Variants in EWSR1 observed in about 807,000 individuals in gnomAD.
The protein encoded by EWSR1 is RNA-binding protein EWS.
A neutral mutation model predicts 92.1 loss-of-function variants in EWSR1; 14 were observed. The observed-to-expected ratio is 0.15, with a 90% CI of 0.10 to 0.24. The LOEUF (loss-of-function observed/expected upper bound fraction) is 0.24, where lower values mean the gene tolerates loss of function less well. EWSR1 is among the 10% of genes least tolerant of loss of function. The probability of loss-of-function intolerance (pLI) is 1.00; values close to 1 mark genes in which losing one functional copy is unlikely to be tolerated. For synonymous variants in EWSR1, 303 were observed against 292.9 expected (o/e 1.03, Z -0.35); for missense variants, 637 against 870.9 (o/e 0.73, Z 3.38).
chr22:29,300,260 A>G lies in EWSR1; in HGVS notation c.*99A>G, dbSNP rs2061246455. The G allele has an allele frequency of 8.7e-7, 1 of 1,145,282 alleles. No individual in the cohort carries two copies. The highest frequency in any genetic ancestry group is 1.3e-6 in the Non-Finnish European group (1 of 775,312). 70.9% of individuals were successfully genotyped at this position (1,145,282 alleles called of 1,614,324 possible). A position where few individuals can be genotyped will look rare whatever the true frequency, so the allele number is the denominator to read the frequency against. On this transcript the variant is annotated 3_prime_UTR_variant, in exon 17 of 17. Coordinates refer to ENST00000397938, the MANE Select transcript of EWSR1 (RefSeq NM_005243.4). ...TTCCATATTTATAATGTTGGCCACA[A>G]CATTATGATTATTCCTTGTCTGTAC... is the stretch of plus-strand genomic sequence containing the variant.
At chr22:29,292,254 C>A in intron 10 of EWSR1, 85 bp downstream of exon 10, 1 of 1,311,718 alleles carries the variant, frequency 7.6e-7, no homozygotes, top group Non-Finnish European at 1.1e-6. Context: ...GTTCAGCAGC[C>A]TTATAGACCA....
At chr22:29,297,343 T>G (rs1166106381) in intron 12 of EWSR1, among the ~76,000 whole-genome samples, 1 of 152,150 alleles carries the variant, frequency 6.6e-6, no homozygotes, top group Non-Finnish European at 1.5e-5. Context: ...TTAGTAGAGA[T>G]GGGGTTTCAC....
intron 1 of EWSR1, among the ~76,000 whole-genome samples, 198 bp from the exon 2 acceptor site, chr22:29,272,018 T>G (rs1447117300): frequency 2.6e-5 from 4 of 152,152 alleles, no homozygotes; most frequent in Admixed American, 2.6e-4. Flanking sequence ...AGTCCCACAG[T>G]CAAATGTTGA....
intron 6 of EWSR1, among the ~76,000 whole-genome samples, chr22:29,286,576 A>G (rs900652089): frequency 6.7e-6 from 1 of 150,156 alleles, no homozygotes. Context: ...AGTCCCAGCT[A>G]CTCGGGAGGC....
At position 29,300,106 on chromosome 22, in the gene EWSR1, CCT is replaced by C; in HGVS notation, c.1932-13_1932-12del. The C allele has an allele frequency of 1.3e-6, 2 of 1,599,192 alleles. No homozygotes were observed. Among genetic ancestry groups the C allele is most frequent in the South Asian group, 1.1e-5 (1 of 90,068 alleles). On this transcript the variant is annotated splice_polypyrimidine_tract_variant and intron_variant, in intron 16 of 16. Transcript: ENST00000397938. The stretch of plus-strand genomic sequence containing the variant: ...CCCCTTCCCATTCTAACCGAAGGGC[CCT>C]CTTTACCTTGCAGAGGCGAGCACCG...
intron 9 of EWSR1, 165 bp from the exon 10 acceptor site, chr22:29,291,972 A>G (rs1378140078): frequency 2.9e-6 from 2 of 679,588 alleles, no homozygotes; most frequent in African/African-American, 3.6e-5. Context: ...CAAACCTTTC[A>G]CAAATGTTAA....
chr22:29,286,112 T>G (rs926777391), intron 6 of EWSR1, among the ~76,000 whole-genome samples: 2 of 151,890 alleles, frequency 1.3e-5, no homozygotes, highest in African/African-American at 4.8e-5. Flanking sequence ...GTGCTGAGAT[T>G]ACAAGCGTGA....
chr22:29,288,149 TG>T (rs2060188441), intron 7 of EWSR1, among the ~76,000 whole-genome samples: 1 of 152,242 alleles, frequency 6.6e-6, no homozygotes, highest in Admixed American at 6.5e-5. Flanking sequence ...TTAGGATCAT[TG>T]CTCTTTTTAA....
At position 29,298,804 on chromosome 22, in the gene EWSR1, T is replaced by C; in HGVS notation, c.1489T>C (p.Phe497Leu). ...AGGCCGTGGAGGAGATAGAGGAGGC[T>C]TCCCTCCAAGAGGACCCCGGGGTTC... ...MGGRGGDRGG[F>L]PPRGPRGSRG... The change falls in exon 14 of 17, where the codon TTC becomes CTC. Residue 497 changes from phenylalanine to leucine, a missense_variant. Around this residue, in one of 5 missense-constraint regions of EWSR1, gnomAD observed 363 missense variants for 447.8 expected, o/e 0.81. Coordinates refer to ENST00000397938, the MANE Select transcript of EWSR1 (RefSeq NM_005243.4). The C allele has an allele frequency of 6.2e-7, 1 of 1,610,132 alleles. No individual in the cohort carries two copies. The highest frequency in any genetic ancestry group is 8.5e-7 in the Non-Finnish European group (1 of 1,178,768).
At chr22:29,290,929 T>G (rs149841245) in intron 8 of EWSR1, 2 of 241,502 alleles carry the variant, frequency 8.3e-6, no homozygotes, top group African/African-American at 4.4e-5. Context: ...CTAACTGATA[T>G]GTCTATAAAG....
chr22:29,293,303 C>T (rs1046931114), intron 11 of EWSR1, among the ~76,000 whole-genome samples: 10 of 152,212 alleles, frequency 6.6e-5, no homozygotes, highest in African/African-American at 1.9e-4. Flanking sequence ...AGCCACTACA[C>T]CCAACCTCAA....
intron 14 of EWSR1, 123 bp from the exon 15 acceptor site, chr22:29,299,111 C>G: frequency 6.4e-7 from 1 of 1,566,118 alleles, no homozygotes. Flanking sequence ...GAGGCTGTGC[C>G]CTAAAGCATG....
chr22:29,293,067 C>T (rs1447053587), intron 11 of EWSR1, among the ~76,000 whole-genome samples: 1 of 152,072 alleles, frequency 6.6e-6, no homozygotes, highest in Non-Finnish European at 1.5e-5. Flanking sequence ...TCCTCCACCC[C>T]TAGGGACAGA....
chr22:29,278,245 G>A (rs1171157112), intron 5 of EWSR1, 29 bp downstream of exon 5: 1 of 1,600,158 alleles, frequency 6.2e-7, no homozygotes, highest in African/African-American at 1.3e-5. Flanking sequence ...TAATGCGTCA[G>A]TCTTATGTTG....
At chr22:29,283,291 A>G (rs569631658) in intron 6 of EWSR1, among the ~76,000 whole-genome samples, 2 of 152,340 alleles carry the variant, frequency 1.3e-5, no homozygotes, top group South Asian at 4.1e-4. Context: ...ATAAAGGTTT[A>G]TTCATGCACT....
At chr22:29,286,686 CAAAAAAAAAAA>C (rs373796997) in intron 6 of EWSR1, among the ~76,000 whole-genome samples, 4 of 76,352 alleles carry the variant, frequency 5.2e-5, no homozygotes, top group South Asian at 5.1e-4. Flanking sequence ...CACTCTGTCT[CAAAAAAAAAAA>C]AAAAAAAAAA....
intron 13 of EWSR1, among the ~76,000 whole-genome samples, chr22:29,298,182 T>C (rs1169195795): frequency 6.6e-6 from 1 of 152,188 alleles, no homozygotes; most frequent in African/African-American, 2.4e-5. Context: ...TTTGGTTGTG[T>C]CTGTATAGAC....
At chr22:29,297,705 A>C in intron 12 of EWSR1, 122 bp from the exon 13 acceptor site, 2 of 1,339,780 alleles carry the variant, frequency 1.5e-6, no homozygotes, top group Non-Finnish European at 2.0e-6. Flanking sequence ...CCTTGTCATT[A>C]AAGATCTTAG....
In EWSR1 at chr22:29,286,713, T is replaced by A. The variant is rs866246778; in HGVS notation, c.582-210T>A. Among the ~76,000 whole-genome samples, 174 of 137,108 alleles carry A rather than the reference T, an allele frequency of 1.3e-3. 1 individual carries two copies. Among genetic ancestry groups the A allele is most frequent in the Middle Eastern group, 3.7e-3 (1 of 268 alleles). The allele number at this position is 137,108 out of a possible 152,430, so 89.9% of individuals were successfully genotyped here. ...AAAAAAAAAAAAAAAAAAAAAAAAA[T>A]TTTTTTGTTTTACCCTCCCATTTAA... On this transcript the variant is annotated intron_variant, in intron 6 of 16. Coordinates refer to ENST00000397938, the MANE Select transcript of EWSR1 (RefSeq NM_005243.4).
Sources: gnomAD v4.1 joint callset for allele counts (sites outside exome capture counted in the v4.1 genomes callset) on GRCh38, gnomAD v4.1.1 for gene constraint, gnomAD v4.1.1 regional missense constraint, MANE v1.5 for transcripts, NCBI Gene and HGNC (gene_info 2026-07-23, HGNC 2026-07-21) for gene names.